Variants in PARD3B observed in about 807,000 individuals in gnomAD.
The protein encoded by PARD3B is par-3 family cell polarity regulator beta.
A neutral mutation model predicts 130.2 loss-of-function variants in PARD3B; 103 were observed. The ratio of observed to expected loss-of-function variants is 0.79; its 90% confidence interval spans 0.67 to 0.93. The LOEUF is 0.93. Among genes scored for constraint, PARD3B ranks in the 40% least tolerant of loss-of-function variants. The probability of loss-of-function intolerance (pLI) is 0.00; values close to 1 mark genes in which losing one functional copy is unlikely to be tolerated. For missense variants in PARD3B, 1,609 were observed against 1,499.2 expected, an observed-to-expected ratio of 1.07 and a Z score of -1.21; for synonymous variants, 583 against 553.2, an observed-to-expected ratio of 1.05 and a Z score of -0.76.
Position 205,078,969 on chromosome 2 carries a change from T to G in PARD3B, c.505-25457T>G, listed in dbSNP as rs961376792. Among the ~76,000 whole-genome samples the G allele has an allele frequency of 1.3e-5, 2 of 152,202 alleles. No homozygotes were observed. Among genetic ancestry groups the G allele is most frequent in the Non-Finnish European group, 2.9e-5 (2 of 68,030 alleles). ...CATGGATGCCCAGACCTGTGGAGCCTTGGCAGCAGCCGACTCTACATCTGA... is the reference window on the plus strand; with the variant it reads ...CATGGATGCCCAGACCTGTGGAGCCGTGGCAGCAGCCGACTCTACATCTGA... On this transcript the variant is annotated intron_variant, in intron 4 of 22. Transcript: ENST00000406610. The surrounding 1 kb of genome is among the most constrained non-coding windows in gnomAD (Gnocchi z 4.0).
intron 1 of PARD3B, among the ~76,000 whole-genome samples, chr2:204,569,522 A>G (rs1417972056): frequency 6.6e-6 from 1 of 152,234 alleles, no homozygotes; most frequent in East Asian, 1.9e-4. Flanking sequence ...GAATCACTGT[A>G]TTAAATTCAC....
chr2:205,014,056 T>G (rs1474622618), intron 3 of PARD3B, among the ~76,000 whole-genome samples: 1 of 152,216 alleles, frequency 6.6e-6, no homozygotes, highest in Non-Finnish European at 1.5e-5. Flanking sequence ...CTAACCAGCT[T>G]TACTCCTGGA....
At chr2:204,911,848 T>C (rs1309329358) in intron 2 of PARD3B, among the ~76,000 whole-genome samples, 1 of 152,206 alleles carries the variant, frequency 6.6e-6, no homozygotes, top group African/African-American at 2.4e-5. Flanking sequence ...ATGAAAACAA[T>C]GTTGTATACT....
chr2:205,408,171 C>G (rs1323581080), intron 19 of PARD3B, among the ~76,000 whole-genome samples: 1 of 152,172 alleles, frequency 6.6e-6, no homozygotes, highest in African/African-American at 2.4e-5. Flanking sequence ...GCAGACTTCT[C>G]CCTTGCCTTA....
At chr2:205,364,158 C>T (rs1010874629) in intron 18 of PARD3B, among the ~76,000 whole-genome samples, 12 of 152,122 alleles carry the variant, frequency 7.9e-5, no homozygotes, top group African/African-American at 2.4e-4. Context: ...GCATATTTTG[C>T]ATTTGTCTAT....
At chr2:205,093,807 T>G (rs1192234380) in intron 4 of PARD3B, among the ~76,000 whole-genome samples, 1 of 152,188 alleles carries the variant, frequency 6.6e-6, no homozygotes, top group African/African-American at 2.4e-5. Context: ...AAATGCATGG[T>G]GGTTTCCTTG....
At chr2:204,750,625 C>T (rs903770268) in intron 2 of PARD3B, among the ~76,000 whole-genome samples, 1 of 149,332 alleles carries the variant, frequency 6.7e-6, no homozygotes, top group Non-Finnish European at 1.5e-5. Context: ...TACATACATA[C>T]ATACATACAC....
chr2:205,346,204 T>C (rs1440649070), intron 18 of PARD3B, among the ~76,000 whole-genome samples: 1 of 149,480 alleles, frequency 6.7e-6, no homozygotes, highest in Non-Finnish European at 1.5e-5. Context: ...AATAAATAAA[T>C]AAATAAATAA....
chr2:205,145,773 T>G (rs1040543216), intron 10 of PARD3B, among the ~76,000 whole-genome samples: 2 of 143,602 alleles, frequency 1.4e-5, no homozygotes, highest in African/African-American at 5.3e-5. Flanking sequence ...TCTGTCTCCC[T>G]CTCAAAGACT....
Position 205,268,762 on chromosome 2 carries a change from T to C in PARD3B, c.2185+22940T>C, listed in dbSNP as rs1407615457. On this transcript the variant is annotated intron_variant, in intron 16 of 22. Coordinates refer to ENST00000406610, the MANE Select transcript of PARD3B (RefSeq NM_001302769.2). This position sits in a 1 kb window ranked among gnomAD's most constrained non-coding sequence, Gnocchi z 4.1. The stretch of plus-strand genomic sequence containing the variant: ...AATTTGACAGAAGAGACTTCTCAGC[T>C]CTTTGGGGAAAATATTGAAATGCAT... Among the ~76,000 whole-genome samples, 1 of 152,136 alleles carries C rather than the reference T, an allele frequency of 6.6e-6. No individual in the cohort carries two copies. Among genetic ancestry groups the C allele is most frequent in the Non-Finnish European group, 1.5e-5 (1 of 68,010 alleles).
rs1330448000 is a variant in PARD3B at position 205,473,059 on chromosome 2, C to A, written c.3045-26837C>A. On this transcript the variant is annotated intron_variant, in intron 20 of 22. Transcript: ENST00000406610. This position sits in a 1 kb window ranked among gnomAD's most constrained non-coding sequence, Gnocchi z 4.9. Reference sequence around the variant, plus strand: ...TGGTCCATTTGAGCTAGAAGCTTGGCAATTTTACAAATTCTAGCAACTTCT... The same window carrying A: ...TGGTCCATTTGAGCTAGAAGCTTGGAAATTTTACAAATTCTAGCAACTTCT... 2.6e-5 allele frequency among the ~76,000 whole-genome samples: 4 copies of A among 152,222 alleles called. No individual in the cohort carries two copies. The East Asian group carries it at 7.7e-4, about 29-fold the overall frequency.
chr2:204,865,415 C>T (rs2045368892), intron 2 of PARD3B, among the ~76,000 whole-genome samples: 1 of 152,030 alleles, frequency 6.6e-6, no homozygotes, highest in Admixed American at 6.6e-5. Flanking sequence ...ATGGATAAAG[C>T]AAATGTGGCA....
intron 10 of PARD3B, among the ~76,000 whole-genome samples, chr2:205,145,371 A>C (rs2033279149): frequency 6.6e-6 from 1 of 152,174 alleles, no homozygotes; most frequent in Non-Finnish European, 1.5e-5. Context: ...GAAATGAAAC[A>C]TCATTTATCC....
intron 4 of PARD3B, among the ~76,000 whole-genome samples, chr2:205,100,966 C>T (rs1301412720): frequency 2.0e-5 from 3 of 152,034 alleles, no homozygotes; most frequent in Non-Finnish European, 2.9e-5. Context: ...AAAACACAAG[C>T]TACAAAAGAA....
chr2:204,714,375 G>C (rs2038615063), intron 2 of PARD3B, among the ~76,000 whole-genome samples: 2 of 151,952 alleles, frequency 1.3e-5, no homozygotes, highest in Non-Finnish European at 2.9e-5. Context: ...TGAATTTCAT[G>C]TTCTTGTTTC....
At chr2:204,666,378 T>G (rs760050733) in intron 1 of PARD3B, among the ~76,000 whole-genome samples, 5 of 151,810 alleles carry the variant, frequency 3.3e-5, no homozygotes, top group Non-Finnish European at 5.9e-5. Flanking sequence ...GAGGGAAAAA[T>G]AAAAGGTAAT....
chr2:205,012,413 A>T (rs1695787725), intron 3 of PARD3B, among the ~76,000 whole-genome samples: 1 of 152,164 alleles, frequency 6.6e-6, no homozygotes, highest in Non-Finnish European at 1.5e-5. Flanking sequence ...TAGAGGAAAA[A>T]TTCAAAATGT....
chr2:204,812,438 C>T (rs1014661755), intron 2 of PARD3B, among the ~76,000 whole-genome samples: 2 of 152,086 alleles, frequency 1.3e-5, no homozygotes, highest in African/African-American at 2.4e-5. Flanking sequence ...ACTTGGTAGA[C>T]GGCCAAGTGG....
chr2:205,603,627 C>G (rs1575464692), intron 22 of PARD3B, among the ~76,000 whole-genome samples: 2 of 152,194 alleles, frequency 1.3e-5, no homozygotes, highest in South Asian at 4.1e-4. Flanking sequence ...TCTTTTTTAT[C>G]TTTCTTGGCT....
Sources: gnomAD v4.1 joint callset for allele counts (sites outside exome capture counted in the v4.1 genomes callset) on GRCh38, gnomAD v4.1.1 for gene constraint, Gnocchi (gnomAD v3.1) non-coding constraint, MANE v1.5 for transcripts, NCBI Gene and HGNC (gene_info 2026-07-23, HGNC 2026-07-21) for gene names.